The following KHDRBS3 variants were observed in gnomAD, a reference collection of about 807,000 sequenced individuals.
KHDRBS3 encodes the protein KH RNA binding domain containing, signal transduction associated 3.
In KHDRBS3, 23 loss-of-function variants were observed where a neutral mutation model predicts 45.6. The ratio of observed to expected loss-of-function variants is 0.50; its 90% CI spans 0.36 to 0.72. The LOEUF (loss-of-function observed/expected upper bound fraction) is 0.72. Ranked by LOEUF, KHDRBS3 falls within the 30% of genes least tolerant of loss-of-function variation. The pLI, the probability that KHDRBS3 is intolerant of heterozygous loss-of-function variation, is 0.00. For synonymous variants in KHDRBS3, 162 were observed against 156.5 expected (o/e 1.04, Z -0.26); for missense variants, 352 against 424.8 (o/e 0.83, Z 1.51).
intron 7 of KHDRBS3, among the ~76,000 whole-genome samples, chr8:135,613,900 C>T (rs1829808570): frequency 6.6e-6 from 1 of 151,694 alleles, no homozygotes; most frequent in South Asian, 2.1e-4. Flanking sequence ...TATTATGACA[C>T]TCTTGTGTTA....
In KHDRBS3 at chr8:135,469,595, C is replaced by T. The variant is rs192919260; in HGVS notation, c.88+11641C>T. On this transcript the variant is annotated intron_variant, in intron 1 of 8. Transcript: ENST00000355849. ...CCAGGCTGGAGTGCAATGGCGCGGTCTTGGCTCACTGAAACGTCTGCCTCC... is the reference window on the plus strand; with the variant it reads ...CCAGGCTGGAGTGCAATGGCGCGGTTTTGGCTCACTGAAACGTCTGCCTCC... 2.6e-3 allele frequency among the ~76,000 whole-genome samples: 375 copies of T among 145,474 alleles called. 3 individuals are homozygous for T. The highest frequency in any genetic ancestry group is 8.2e-3 in the Middle Eastern group (2 of 244).
At chr8:135,510,533 C>T (rs1243657487) in intron 1 of KHDRBS3, among the ~76,000 whole-genome samples, 2 of 152,188 alleles carry the variant, frequency 1.3e-5, no homozygotes, top group African/African-American at 4.8e-5. Context: ...CTCCTGCGTT[C>T]AAGTGATTCT....
intron 5 of KHDRBS3, among the ~76,000 whole-genome samples, chr8:135,558,777 GA>G (rs981473870): frequency 3.1e-4 from 17 of 54,170 alleles, no homozygotes; most frequent in Admixed American, 1.8e-3. Flanking sequence ...AATTACCACA[GA>G]TTTTTTTTTT....
chr8:135,600,574 T>TAGAG (rs937205277), intron 6 of KHDRBS3, among the ~76,000 whole-genome samples: 21 of 152,318 alleles, frequency 1.4e-4, no homozygotes, highest in Admixed American at 1.4e-3. Flanking sequence ...ACCACAGTAT[T>TAGAG]AGAGACCTCT....
intron 1 of KHDRBS3, among the ~76,000 whole-genome samples, chr8:135,472,326 A>G (rs988552577): frequency 6.6e-6 from 1 of 152,114 alleles, no homozygotes; most frequent in African/African-American, 2.4e-5. Context: ...TTCACTTTGT[A>G]AAATAGGCAC....
intron 1 of KHDRBS3, among the ~76,000 whole-genome samples, chr8:135,478,336 A>T (rs1346431812): frequency 1.3e-5 from 2 of 152,364 alleles, no homozygotes; most frequent in East Asian, 1.9e-4. Context: ...CAGGAAACTA[A>T]CACAATGGCT....
intron 1 of KHDRBS3, among the ~76,000 whole-genome samples, chr8:135,466,840 C>T (rs1000486383): frequency 6.6e-6 from 1 of 152,200 alleles, no homozygotes; most frequent in Non-Finnish European, 1.5e-5. Context: ...TTCATTTATT[C>T]GACACATATT....
At position 135,569,926 on chromosome 8, in the gene KHDRBS3, GAAAGAA is replaced by G. The variant is rs575505524; in HGVS notation, c.612-11948_612-11943del. Among the ~76,000 whole-genome samples the G allele has an allele frequency of 2.6e-3, 389 of 150,690 alleles. 1 individual carries two copies. The highest frequency in any genetic ancestry group is 8.8e-3 in the African/African-American group (359 of 40,596). On this transcript the variant is annotated intron_variant, in intron 5 of 8. Transcript: ENST00000355849. The stretch of plus-strand genomic sequence containing the variant: ...CCAATTCCATACAGTTTTTTAAGAA[GAAAGAA>G]AAACAAAAACAAAAACAAAAAACAA...
intron 1 of KHDRBS3, among the ~76,000 whole-genome samples, chr8:135,480,359 G>A (rs1040540052): frequency 6.6e-6 from 1 of 152,086 alleles, no homozygotes; most frequent in Admixed American, 6.6e-5. Context: ...TTTGTAGGTG[G>A]TAATCTTGTG....
At chr8:135,595,660 A>G (rs947922520) in intron 6 of KHDRBS3, among the ~76,000 whole-genome samples, 2 of 152,200 alleles carry the variant, frequency 1.3e-5, no homozygotes, top group Non-Finnish European at 2.9e-5. Context: ...GCCAGTAGCC[A>G]TTTCCCCTTC....
intron 5 of KHDRBS3, among the ~76,000 whole-genome samples, chr8:135,574,279 A>G (rs1387891904): frequency 6.9e-6 from 1 of 144,476 alleles, no homozygotes; most frequent in African/African-American, 2.5e-5. Context: ...AGTGTCATCT[A>G]AAGCATTGTT....
chr8:135,570,297 T>C (rs1827639738), intron 5 of KHDRBS3, among the ~76,000 whole-genome samples: 1 of 152,196 alleles, frequency 6.6e-6, no homozygotes, highest in Non-Finnish European at 1.5e-5. Context: ...ATAGAAAAGT[T>C]ACAAGATATT....
intron 1 of KHDRBS3, among the ~76,000 whole-genome samples, chr8:135,517,822 T>C (rs866009246): frequency 1.3e-5 from 2 of 152,056 alleles, no homozygotes; most frequent in Non-Finnish European, 2.9e-5. Flanking sequence ...CTTAAAAAAT[T>C]TAAAAAAAAT....
At chr8:135,537,854 C>G (rs937801831) in intron 2 of KHDRBS3, among the ~76,000 whole-genome samples, 1 of 151,984 alleles carries the variant, frequency 6.6e-6, no homozygotes, top group Non-Finnish European at 1.5e-5. Flanking sequence ...GTTATTTATA[C>G]AAATGAATAT....
At chr8:135,626,846 CA>C (rs1486495766) in intron 7 of KHDRBS3, among the ~76,000 whole-genome samples, 1 of 147,084 alleles carries the variant, frequency 6.8e-6, no homozygotes, top group African/African-American at 2.5e-5. Flanking sequence ...GGAACTGAGG[CA>C]GTTCTCATAA....
intron 1 of KHDRBS3, among the ~76,000 whole-genome samples, chr8:135,490,457 T>G (rs1404668402): frequency 5.9e-5 from 9 of 152,162 alleles, no homozygotes; most frequent in Non-Finnish European, 1.3e-4. Flanking sequence ...AAGTCACTTT[T>G]TTAGGTTTAT....
chr8:135,612,802 T>A (rs1442853925), intron 7 of KHDRBS3, among the ~76,000 whole-genome samples: 1 of 151,940 alleles, frequency 6.6e-6, no homozygotes, highest in South Asian at 2.1e-4. Context: ...GACATGGAGC[T>A]GTGGACCCTT....
At chr8:135,516,319 C>G (rs919764140) in intron 1 of KHDRBS3, among the ~76,000 whole-genome samples, 1 of 152,166 alleles carries the variant, frequency 6.6e-6, no homozygotes, top group Non-Finnish European at 1.5e-5. Flanking sequence ...TGGGTCATTA[C>G]TGCACACTTT....
intron 1 of KHDRBS3, among the ~76,000 whole-genome samples, chr8:135,520,230 A>G (rs913125987): frequency 6.6e-6 from 1 of 152,224 alleles, no homozygotes; most frequent in South Asian, 2.1e-4. Context: ...TGTACAGCTG[A>G]TGACGTCTTT....
Sources: allele counts gnomAD v4.1 joint callset (sites outside exome capture counted in the v4.1 genomes callset), GRCh38; gene constraint gnomAD v4.1.1; transcripts MANE v1.5; gene names NCBI Gene and HGNC (gene_info 2026-07-23, HGNC 2026-07-21).